DACH2: variants seen among roughly 807,000 people sequenced by gnomAD.
DACH2 encodes dachshund homolog 2.
DACH2 carries 17 observed loss-of-function variants against 35.8 expected under a neutral mutation model. The observed-to-expected ratio is 0.48, with a 90% CI of 0.33 to 0.71. The LOEUF (loss-of-function observed/expected upper bound fraction) is 0.71. Among genes scored for constraint, DACH2 ranks in the 30% least tolerant of loss-of-function variants. DACH2 has a pLI of 0.02. For synonymous variants in DACH2, 195 were observed against 177.3 expected (o/e 1.10, Z -0.79); for missense variants, 469 against 472.7 (o/e 0.99, Z 0.07).
At chrX:86,672,079 A>C in intron 4 of DACH2, among the ~76,000 whole-genome samples, 1 of 111,822 alleles carries the variant, frequency 8.9e-6, no homozygotes, top group Non-Finnish European at 1.9e-5. Context: ...TGGAACTTTG[A>C]ACTTGAGAGA....
chrX:86,482,542 G>A (rs1442732022), intron 2 of DACH2, among the ~76,000 whole-genome samples: 2 of 108,262 alleles, frequency 1.8e-5, no homozygotes, highest in Admixed American at 2.0e-4. Context: ...AGTCCTTTGG[G>A]TATATACCCA....
intron 2 of DACH2, among the ~76,000 whole-genome samples, chrX:86,388,362 G>A (rs891276650): frequency 8.9e-6 from 1 of 111,858 alleles, no homozygotes; most frequent in Admixed American, 9.5e-5. Flanking sequence ...GATGGGGGTG[G>A]CAAGTTAGGC....
intron 2 of DACH2, among the ~76,000 whole-genome samples, chrX:86,406,446 G>A (rs2036529208): frequency 8.9e-6 from 1 of 111,834 alleles, no homozygotes; most frequent in Non-Finnish European, 1.9e-5. Context: ...CACTACCTGG[G>A]TGATGTTATC....
At position 86,714,729 on chromosome X, in the gene DACH2, C is replaced by A. The variant is rs759183077; in HGVS notation, c.1104+9C>A. On this transcript the variant is annotated intron_variant, in intron 6 of 11. Transcript: ENST00000373125. ...GTACCTCTGTTATAAAGGTAAGAAT[C>A]GTGATTTAGAAAAGGACAAAGGTGT... 3 of 1,141,162 alleles carry A rather than the reference C, an allele frequency of 2.6e-6. No homozygotes were observed. Among genetic ancestry groups the A allele is most frequent in the Middle Eastern group, 2.5e-4 (1 of 4,069 alleles). The allele number at this position is 1,141,162 out of a possible 1,213,427, so 94.0% of individuals were successfully genotyped here. A position where few individuals can be genotyped will look rare whatever the true frequency, so the allele number is the denominator to read the frequency against.
chrX:86,537,394 T>C (rs1222340074), intron 3 of DACH2, among the ~76,000 whole-genome samples: 1 of 111,265 alleles, frequency 9.0e-6, no homozygotes, highest in Non-Finnish European at 1.9e-5. Context: ...TAAAGTGCGT[T>C]TGGGGTCATT....
chrX:86,215,599 TC>T (rs201008478), intron 1 of DACH2, among the ~76,000 whole-genome samples: 8,582 of 111,448 alleles, frequency 0.077, 345 homozygotes, highest in Non-Finnish European at 0.12. Context: ...TTACCTAGTT[TC>T]CTTTGATTGA....
At chrX:86,813,487 C>T (rs2042415992) in intron 9 of DACH2, among the ~76,000 whole-genome samples, 1 of 106,486 alleles carries the variant, frequency 9.4e-6, no homozygotes, top group South Asian at 4.3e-4. Flanking sequence ...TGGTGGGCGC[C>T]TGTAGTCGCA....
At chrX:86,528,128 A>C (rs1400838560) in intron 3 of DACH2, among the ~76,000 whole-genome samples, 1 of 111,768 alleles carries the variant, frequency 8.9e-6, no homozygotes, top group East Asian at 2.8e-4. Flanking sequence ...GTGAAAAGGA[A>C]CTAAAAGAGC....
At chrX:86,698,514 G>GTTTTTTTTTTTTTTTTTTTTTTTTTTTT (rs1345238527) in intron 5 of DACH2, among the ~76,000 whole-genome samples, 2 of 34,343 alleles carry the variant, frequency 5.8e-5, no homozygotes, top group Non-Finnish European at 9.9e-5. Context: ...TGTTTTGTTA[G>GTTTTTTTTTTTTTTTTTTTTTTTTTTTT]TTTTGTGTTT....
intron 1 of DACH2, among the ~76,000 whole-genome samples, chrX:86,262,106 T>C (rs1175829903): frequency 2.2e-5 from 2 of 92,252 alleles, no homozygotes; most frequent in Non-Finnish European, 4.1e-5. Flanking sequence ...CATGGCAAGA[T>C]CCCATCTCTA....
intron 2 of DACH2, among the ~76,000 whole-genome samples, chrX:86,511,264 T>C (rs957479744): frequency 5.4e-5 from 6 of 111,923 alleles, no homozygotes; most frequent in African/African-American, 1.9e-4. Flanking sequence ...TGTCGTACTA[T>C]GGAGAATCAG....
intron 2 of DACH2, among the ~76,000 whole-genome samples, chrX:86,393,942 A>T (rs866061389): frequency 9.9e-6 from 1 of 100,731 alleles, no homozygotes; most frequent in Middle Eastern, 5.0e-3. Flanking sequence ...TAGCTATTTT[A>T]TTATTATTAT....
rs137923013 is a variant in DACH2 at position 86,634,138 on chromosome X, C to G, written c.641-16898C>G. ...AAGTGAAGGGGGAAGTGCCACACAC[C>G]TTTAAACCATCTGATCTCATGAGAA... On this transcript the variant is annotated intron_variant, in intron 3 of 11. Coordinates refer to ENST00000373125, the MANE Select transcript of DACH2 (RefSeq NM_053281.3). Among the ~76,000 whole-genome samples the G allele has an allele frequency of 5.0e-3, 555 of 110,572 alleles. 4 individuals carry two copies. Among genetic ancestry groups the G allele is most frequent in the African/African-American group, 0.017 (526 of 30,394 alleles).
chrX:86,464,276 C>T (rs1299607512), intron 2 of DACH2, among the ~76,000 whole-genome samples: 5 of 111,201 alleles, frequency 4.5e-5, no homozygotes, highest in African/African-American at 1.6e-4. Context: ...AACCCAAATG[C>T]CCATCAATTA....
At chrX:86,540,061 T>A (rs967038080) in intron 3 of DACH2, among the ~76,000 whole-genome samples, 1 of 111,874 alleles carries the variant, frequency 8.9e-6, no homozygotes. Context: ...ACTAAAAAAT[T>A]CAAAATAATG....
chrX:86,805,549 G>T (rs1249017002), intron 7 of DACH2, among the ~76,000 whole-genome samples: 2 of 108,684 alleles, frequency 1.8e-5, no homozygotes, highest in African/African-American at 7.0e-5. Flanking sequence ...TTCCTCACCA[G>T]AAAATGGGCT....
intron 1 of DACH2, among the ~76,000 whole-genome samples, chrX:86,372,275 C>CT (rs34042859): frequency 3.6e-5 from 4 of 110,515 alleles, no homozygotes; most frequent in Non-Finnish European, 5.7e-5. Context: ...GTACATATGA[C>CT]TTTTTTTTAA....
chrX:86,608,381 T>C (rs935024811), intron 3 of DACH2, among the ~76,000 whole-genome samples: 1 of 111,824 alleles, frequency 8.9e-6, no homozygotes, highest in African/African-American at 3.3e-5. Context: ...GATCTAGAAC[T>C]AGAAATACCA....
intron 2 of DACH2, among the ~76,000 whole-genome samples, chrX:86,467,038 AT>A (rs1357286799): frequency 8.9e-6 from 1 of 112,146 alleles, no homozygotes; most frequent in African/African-American, 3.2e-5. Flanking sequence ...CGTTTTGGTG[AT>A]TAAAATCCAG....
Sources: allele counts gnomAD v4.1 joint callset (sites outside exome capture counted in the v4.1 genomes callset), GRCh38; gene constraint gnomAD v4.1.1; transcripts MANE v1.5; gene names NCBI Gene and HGNC (gene_info 2026-07-23, HGNC 2026-07-21).